The following SLC35F4 variants were observed in gnomAD, a reference collection of about 807,000 sequenced individuals.
SLC35F4 encodes the protein chromosome 14 open reading frame 36.
SLC35F4 carries 24 observed loss-of-function variants against 44.2 expected under a neutral mutation model. That is an observed-to-expected ratio of 0.54 (90% CI 0.39 to 0.76). SLC35F4 has a LOEUF of 0.76. SLC35F4 is among the 30% of genes least tolerant of loss of function. The pLI, the probability that SLC35F4 is intolerant of heterozygous loss-of-function variation, is 0.00. For synonymous variants in SLC35F4, 238 were observed against 223.6 expected (o/e 1.06, Z -0.57); for missense variants, 562 against 586.1 (o/e 0.96, Z 0.42).
At chr14:57,618,253 C>A (rs1670688438) in intron 1 of SLC35F4, among the ~76,000 whole-genome samples, 2 of 152,106 alleles carry the variant, frequency 1.3e-5, no homozygotes, top group African/African-American at 2.4e-5. Context: ...GGCAAGATGG[C>A]CAAATAGGAA....
At position 57,679,025 on chromosome 14, in the gene SLC35F4, A is replaced by T. The variant is rs939895723; in HGVS notation, c.104-84901T>A. Among the ~76,000 whole-genome samples, 8 of 152,216 alleles carry T rather than the reference A, an allele frequency of 5.3e-5. No individual in the cohort carries two copies. In the East Asian group the frequency reaches 7.7e-4, roughly 15 times the overall value. On this transcript the variant is annotated intron_variant, in intron 1 of 7. Transcript: ENST00000556826. ...TGAACTCAGCTCTGAACCAAGTGGA[A>T]CCTAATAGACATCTACAGAACTCTC... is the stretch of plus-strand genomic sequence containing the variant.
chr14:57,609,635 T>C (rs966757688), intron 1 of SLC35F4, among the ~76,000 whole-genome samples: 4 of 152,238 alleles, frequency 2.6e-5, no homozygotes, highest in Admixed American at 6.5e-5. Context: ...ATGTTTCTTG[T>C]AGAGGCAGCT....
chr14:57,881,766 CCTA>C (rs998443505), intron 1 of SLC35F4, among the ~76,000 whole-genome samples: 14 of 151,862 alleles, frequency 9.2e-5, no homozygotes, highest in African/African-American at 3.4e-4. Context: ...TTCTTGAACC[CCTA>C]CTATGTAGAT....
chr14:57,743,507 C>T (rs1323349140), intron 1 of SLC35F4, among the ~76,000 whole-genome samples: 2 of 152,138 alleles, frequency 1.3e-5, no homozygotes, highest in Admixed American at 6.5e-5. Context: ...CACATACACC[C>T]TCCCAAGACT....
chr14:57,601,099 T>G (rs930091880), intron 1 of SLC35F4, among the ~76,000 whole-genome samples: 15 of 152,148 alleles, frequency 9.9e-5, no homozygotes, highest in South Asian at 2.1e-4. Flanking sequence ...ATTTAATAAA[T>G]AAATATGTTT....
intron 1 of SLC35F4, among the ~76,000 whole-genome samples, chr14:57,933,970 T>C (rs560623545): frequency 6.6e-6 from 1 of 152,316 alleles, no homozygotes; most frequent in Admixed American, 6.5e-5. Context: ...TCCTAGTTGC[T>C]AGGGGTTTGC....
intron 1 of SLC35F4, among the ~76,000 whole-genome samples, chr14:57,798,861 G>C (rs1218655534): frequency 1.3e-5 from 2 of 152,178 alleles, no homozygotes; most frequent in Non-Finnish European, 2.9e-5. Flanking sequence ...TTAAAAACTA[G>C]ATAGAGAGAA....
chr14:57,728,263 C>G (rs2076252590), intron 1 of SLC35F4, among the ~76,000 whole-genome samples: 1 of 151,820 alleles, frequency 6.6e-6, no homozygotes, highest in Admixed American at 6.6e-5. Flanking sequence ...TATTTTCAGT[C>G]TGTGTGTATC....
At chr14:57,664,441 C>G (rs571822295) in intron 1 of SLC35F4, among the ~76,000 whole-genome samples, 22 of 152,222 alleles carry the variant, frequency 1.4e-4, no homozygotes, top group East Asian at 9.7e-4. Flanking sequence ...CAGAGTCTCG[C>G]TCCGTCATCC....
Position 57,570,001 on chromosome 14 carries a change from T to C in SLC35F4, c.934-21A>G, listed in dbSNP as rs1210664621. The stretch of plus-strand genomic sequence containing the variant: ...AAGACCTGGAATGAGAAAGAAACTC[T>C]ACAGCCACACAGAAACTTAGCCAGA... On this transcript the variant is annotated intron_variant, in intron 5 of 7. Coordinates refer to ENST00000556826, the MANE Select transcript of SLC35F4 (RefSeq NM_001306087.2). 3.2e-6 allele frequency: 5 copies of C among 1,571,596 alleles called. 1 individual carries two copies. The highest frequency in any genetic ancestry group is 2.5e-5 in the South Asian group (2 of 80,966).
At chr14:57,763,378 TCATA>T (rs2077167801) in intron 1 of SLC35F4, among the ~76,000 whole-genome samples, 2 of 152,158 alleles carry the variant, frequency 1.3e-5, no homozygotes, top group Non-Finnish European at 2.9e-5. Context: ...TATTTTTAAC[TCATA>T]CAGATATGAG....
chr14:57,943,591 T>C (rs1889954137), intron 1 of SLC35F4, among the ~76,000 whole-genome samples: 1 of 152,040 alleles, frequency 6.6e-6, no homozygotes, highest in Non-Finnish European at 1.5e-5. Context: ...TACTGCCGAG[T>C]GTCATGATGT....
intron 1 of SLC35F4, among the ~76,000 whole-genome samples, chr14:57,671,861 A>G (rs950745952): frequency 2.0e-5 from 3 of 152,094 alleles, no homozygotes; most frequent in Admixed American, 1.3e-4. Flanking sequence ...TTGACACTCT[A>G]TTAATTCTCC....
chr14:57,822,223 A>T (rs188552552), intron 1 of SLC35F4, among the ~76,000 whole-genome samples: 54 of 152,290 alleles, frequency 3.5e-4, no homozygotes, highest in Admixed American at 1.6e-3. Context: ...TTACCTGACT[A>T]GAGGTAAGTT....
At chr14:57,739,310 G>A (rs138515821) in intron 1 of SLC35F4, among the ~76,000 whole-genome samples, 75 of 152,260 alleles carry the variant, frequency 4.9e-4, no homozygotes, top group African/African-American at 1.8e-3. Flanking sequence ...AGGCATTCAG[G>A]GAGTAGGAGG....
At chr14:57,852,222 G>A (rs900961702) in intron 1 of SLC35F4, among the ~76,000 whole-genome samples, 1 of 152,206 alleles carries the variant, frequency 6.6e-6, no homozygotes, top group Non-Finnish European at 1.5e-5. Flanking sequence ...GCTCTCAGAG[G>A]TGGTGGCACT....
chr14:57,798,693 TA>T (rs1199853893), intron 1 of SLC35F4, among the ~76,000 whole-genome samples: 3 of 152,192 alleles, frequency 2.0e-5, no homozygotes, highest in Admixed American at 6.5e-5. Context: ...ATCAACTTTA[TA>T]GGAAATGTGC....
intron 1 of SLC35F4, among the ~76,000 whole-genome samples, chr14:57,617,280 G>A (rs1261976578): frequency 2.0e-5 from 3 of 151,522 alleles, no homozygotes; most frequent in Non-Finnish European, 4.4e-5. Context: ...ACAGGCGCCT[G>A]CTACCACATT....
intron 1 of SLC35F4, among the ~76,000 whole-genome samples, chr14:57,735,918 C>A (rs1395103295): frequency 6.6e-6 from 1 of 152,044 alleles, no homozygotes; most frequent in Admixed American, 6.6e-5. Flanking sequence ...ATGGGGGTCT[C>A]ACTGTATTGC....
Sources: allele counts gnomAD v4.1 joint callset (sites outside exome capture counted in the v4.1 genomes callset), GRCh38; gene constraint gnomAD v4.1.1; transcripts MANE v1.5; gene names NCBI Gene and HGNC (gene_info 2026-07-23, HGNC 2026-07-21).